Variants in RBFOX1 observed in about 807,000 individuals in gnomAD.
RBFOX1 encodes the protein RNA binding fox-1 homolog 1, also known as RNA binding protein fox-1 homolog 1.
In RBFOX1, 8 loss-of-function variants were observed where a neutral mutation model predicts 57.7. The observed-to-expected ratio is 0.14, with a 90% confidence interval of 0.08 to 0.25. The LOEUF is 0.25. Ranked by LOEUF, RBFOX1 falls within the 10% of genes least tolerant of loss-of-function variation. The probability of loss-of-function intolerance (pLI) is 1.00; values close to 1 mark genes in which losing one functional copy is unlikely to be tolerated. For synonymous variants in RBFOX1, 326 were observed against 222.4 expected (o/e 1.47, Z -4.15); for missense variants, 611 against 548.5 (o/e 1.11, Z -1.14).
chr16:7,148,827 G>A (rs1024223156), intron 4 of RBFOX1, among the ~76,000 whole-genome samples: 17 of 152,178 alleles, frequency 1.1e-4, no homozygotes, highest in African/African-American at 3.9e-4. Flanking sequence ...CAGGCTCTGA[G>A]TATGTTTGTA....
intron 4 of RBFOX1, among the ~76,000 whole-genome samples, chr16:7,515,652 G>C (rs2076196509): frequency 6.6e-6 from 1 of 152,122 alleles, no homozygotes; most frequent in Non-Finnish European, 1.5e-5. Context: ...TAAAATATGG[G>C]ACATTTACTG....
At chr16:5,927,743 A>G (rs549767760) in intron 4 of RBFOX1, among the ~76,000 whole-genome samples, 3 of 152,362 alleles carry the variant, frequency 2.0e-5, no homozygotes, top group African/African-American at 7.2e-5. Flanking sequence ...TGGTGTATAT[A>G]CATGATGGAA....
At chr16:6,669,919 A>G (rs2098753663) in intron 3 of RBFOX1, among the ~76,000 whole-genome samples, 1 of 151,338 alleles carries the variant, frequency 6.6e-6, no homozygotes, top group Non-Finnish European at 1.5e-5. Context: ...GTATATGGAG[A>G]ATCCAGTCAA....
chr16:7,372,157 C>T (rs1044304244), intron 4 of RBFOX1, among the ~76,000 whole-genome samples: 1 of 152,126 alleles, frequency 6.6e-6, no homozygotes, highest in East Asian at 1.9e-4. Flanking sequence ...TCAAAACTTA[C>T]CTCCTACTAT....
intron 9 of RBFOX1, among the ~76,000 whole-genome samples, chr16:7,599,390 T>C (rs1482867098): frequency 6.6e-6 from 1 of 152,212 alleles, no homozygotes; most frequent in African/African-American, 2.4e-5. Flanking sequence ...GCCATGTGCA[T>C]GTATATTTAT....
chr16:5,570,103 G>C (rs7201360), intron 2 of RBFOX1, among the ~76,000 whole-genome samples: 56,517 of 152,004 alleles, frequency 0.37, 11,728 homozygotes, highest in East Asian at 0.53. Flanking sequence ...CAGCCTGGGT[G>C]AGTCTTCCAC....
chr16:7,178,155 A>G (rs1433395669), intron 4 of RBFOX1, among the ~76,000 whole-genome samples: 1 of 152,210 alleles, frequency 6.6e-6, no homozygotes, highest in Non-Finnish European at 1.5e-5. Context: ...CAAACAAAAA[A>G]CATGTTTATT....
At chr16:6,254,332 A>G (rs1253147326) in intron 1 of RBFOX1, among the ~76,000 whole-genome samples, 1 of 152,196 alleles carries the variant, frequency 6.6e-6, no homozygotes, top group East Asian at 1.9e-4. Flanking sequence ...CTATCTACAT[A>G]AGTGATTGTT....
chr16:7,676,660 T>A, intron 13 of RBFOX1, 114 bp from the exon 14 acceptor site: 1 of 916,920 alleles, frequency 1.1e-6, no homozygotes, highest in Non-Finnish European at 1.8e-6. Flanking sequence ...TTCATTAACC[T>A]CAACTTTAGC....
intron 3 of RBFOX1, among the ~76,000 whole-genome samples, chr16:7,032,375 G>A (rs1019963287): frequency 6.6e-6 from 1 of 152,078 alleles, no homozygotes; most frequent in East Asian, 1.9e-4. Context: ...AACCCAGGAG[G>A]TGGAGGTTGC....
At chr16:5,868,019 C>G (rs753477179) in intron 4 of RBFOX1, among the ~76,000 whole-genome samples, 1 of 151,508 alleles carries the variant, frequency 6.6e-6, no homozygotes, top group African/African-American at 2.4e-5. Context: ...GCCTGTTTTT[C>G]TTTCTCTACT....
intron 1 of RBFOX1, among the ~76,000 whole-genome samples, chr16:5,370,518 C>T (rs1044529044): frequency 2.0e-5 from 3 of 148,770 alleles, no homozygotes; most frequent in Admixed American, 6.7e-5. Context: ...TATAAGATAG[C>T]GTCTCACTTT....
At chr16:6,553,474 G>T (rs2097030373) in intron 2 of RBFOX1, among the ~76,000 whole-genome samples, 2 of 152,098 alleles carry the variant, frequency 1.3e-5, no homozygotes, top group South Asian at 4.1e-4. Flanking sequence ...GAAATACTTG[G>T]TGGAAATTGA....
intron 3 of RBFOX1, among the ~76,000 whole-genome samples, chr16:6,999,487 C>T (rs2092599353): frequency 6.6e-6 from 1 of 151,282 alleles, no homozygotes; most frequent in Admixed American, 6.6e-5. Context: ...CAGGCTGGAG[C>T]ATTCTCAGTT....
intron 1 of RBFOX1, among the ~76,000 whole-genome samples, chr16:6,261,096 A>G (rs1437619566): frequency 1.3e-5 from 2 of 152,186 alleles, no homozygotes; most frequent in African/African-American, 4.8e-5. Context: ...AAGAGGGAGA[A>G]ATTACCTGGA....
At chr16:6,229,665 A>G (rs2097443842) in intron 1 of RBFOX1, among the ~76,000 whole-genome samples, 1 of 152,166 alleles carries the variant, frequency 6.6e-6, no homozygotes, top group Non-Finnish European at 1.5e-5. Flanking sequence ...CAAAATAAAA[A>G]GCCAAATGTA....
At chr16:7,707,479 C>T (rs918624544) in intron 14 of RBFOX1, among the ~76,000 whole-genome samples, 11 of 152,134 alleles carry the variant, frequency 7.2e-5, no homozygotes, top group Admixed American at 3.3e-4. Flanking sequence ...ATAATACAGA[C>T]AAACCATTTC....
chr16:7,324,321 T>C (rs866594189), intron 4 of RBFOX1, among the ~76,000 whole-genome samples: 17 of 152,288 alleles, frequency 1.1e-4, no homozygotes, highest in African/African-American at 3.6e-4. Flanking sequence ...CATTTACCAG[T>C]CCTGGAGACC....
At chr16:6,354,895 G>A (rs1388504047) in intron 2 of RBFOX1, among the ~76,000 whole-genome samples, 1 of 152,102 alleles carries the variant, frequency 6.6e-6, no homozygotes, top group African/African-American at 2.4e-5. Flanking sequence ...TGAGGTTACC[G>A]TCATCTTGAT....
Sources: gnomAD v4.1 joint callset for allele counts (sites outside exome capture counted in the v4.1 genomes callset) on GRCh38, gnomAD v4.1.1 for gene constraint, MANE v1.5 for transcripts, NCBI Gene and HGNC (gene_info 2026-07-23, HGNC 2026-07-21) for gene names.